PXDNL: variants seen among roughly 807,000 people sequenced by gnomAD.
The protein encoded by PXDNL is peroxidasin like.
In PXDNL, 145 loss-of-function variants were observed where a neutral mutation model predicts 150.8. The observed-to-expected ratio is 0.96, with a 90% confidence interval of 0.84 to 1.10. PXDNL has a LOEUF of 1.10. Among genes scored for constraint, PXDNL ranks in the 50% least tolerant of loss-of-function variants. The probability of loss-of-function intolerance (pLI) is 0.00; values close to 1 mark genes in which losing one functional copy is unlikely to be tolerated. For missense variants in PXDNL, 2,087 were observed against 1,873.9 expected, an observed-to-expected ratio of 1.11 and a Z score of -2.10; for synonymous variants, 757 against 725.7, an observed-to-expected ratio of 1.04 and a Z score of -0.69.
At chr8:51,402,228 C>T (rs994440280) in intron 17 of PXDNL, among the ~76,000 whole-genome samples, 1 of 152,124 alleles carries the variant, frequency 6.6e-6, no homozygotes, top group Admixed American at 6.5e-5. Context: ...ATGAGCTATT[C>T]TTTTAAGGAG....
chr8:51,584,047 C>A (rs960737633), intron 3 of PXDNL, among the ~76,000 whole-genome samples: 1 of 152,070 alleles, frequency 6.6e-6, no homozygotes, highest in African/African-American at 2.4e-5. Flanking sequence ...AACTAATTTT[C>A]CCTATCCAAA....
At chr8:51,607,991 G>GAGGA (rs1241189802) in intron 2 of PXDNL, among the ~76,000 whole-genome samples, 19 of 103,696 alleles carry the variant, frequency 1.8e-4, no homozygotes, top group South Asian at 8.9e-4. Context: ...GGAAGAGAGA[G>GAGGA]AGGAAGGAAG....
At chr8:51,680,289 T>TA (rs1403182722) in intron 1 of PXDNL, among the ~76,000 whole-genome samples, 1 of 152,120 alleles carries the variant, frequency 6.6e-6, no homozygotes, top group Admixed American at 6.5e-5. Flanking sequence ...AGGTGTGAAA[T>TA]AGAGTTGTCG....
At chr8:51,696,725 C>CCCCACACACACACACACACACA (rs1816142475) in intron 1 of PXDNL, among the ~76,000 whole-genome samples, 2 of 125,040 alleles carry the variant, frequency 1.6e-5, no homozygotes, top group Non-Finnish European at 3.4e-5. Context: ...TCACACACAT[C>CCCCACACACACACACACACACA]CACACACAGG....
Position 51,578,088 on chromosome 8 carries a change from GAAAGAAAGAAAGAA to G in PXDNL, c.308+14525_308+14538del, listed in dbSNP as rs1285937711. Among the ~76,000 whole-genome samples the G allele has an allele frequency of 1.2e-4, 15 of 126,622 alleles. No homozygotes were observed. The East Asian group carries it at 2.1e-3, about 18-fold the overall frequency. The allele number at this position is 126,622 out of a possible 152,430, so 83.1% of individuals were successfully genotyped here. On this transcript the variant is annotated intron_variant, in intron 3 of 22. Transcript: ENST00000356297. ...GAAAGAAAGAAAAGAAAGAAAAAGAGAAAGAAAGAAAGAAAAAGAAAGAAAGAAAGAAGGAAAGA... is the reference window on the plus strand; with the variant it reads ...GAAAGAAAGAAAAGAAAGAAAAAGAGAAAGAAAGAAAGAAAGAAGGAAAGA...
At chr8:51,347,095 A>G (rs1035036056) in intron 19 of PXDNL, among the ~76,000 whole-genome samples, 2 of 152,202 alleles carry the variant, frequency 1.3e-5, no homozygotes, top group African/African-American at 4.8e-5. Context: ...GAAAAAATAA[A>G]ACAGGATAAC....
intron 1 of PXDNL, among the ~76,000 whole-genome samples, chr8:51,731,467 G>T (rs1310583814): frequency 2.0e-5 from 3 of 152,340 alleles, no homozygotes; most frequent in East Asian, 3.9e-4. Flanking sequence ...TCAGGAACTG[G>T]CGTTGAGTGT....
intron 5 of PXDNL, among the ~76,000 whole-genome samples, chr8:51,484,787 C>T (rs1463547912): frequency 2.0e-5 from 3 of 152,352 alleles, no homozygotes; most frequent in Admixed American, 6.5e-5. Context: ...TCCCTCCATG[C>T]TGCCTTGGCT....
At chr8:51,537,516 A>G (rs1037224725) in intron 4 of PXDNL, among the ~76,000 whole-genome samples, 1 of 152,168 alleles carries the variant, frequency 6.6e-6, no homozygotes, top group East Asian at 1.9e-4. Context: ...TGAGTCCCCT[A>G]ACTCCCTGTG....
intron 17 of PXDNL, among the ~76,000 whole-genome samples, chr8:51,406,360 G>A (rs1808435099): frequency 6.6e-6 from 1 of 152,178 alleles, no homozygotes; most frequent in South Asian, 2.1e-4. Flanking sequence ...TCTAGCAGCT[G>A]TTGGATTCTT....
chr8:51,486,750 T>TTTTATATA (rs1414472367), intron 5 of PXDNL, among the ~76,000 whole-genome samples: 2 of 36,336 alleles, frequency 5.5e-5, no homozygotes, highest in African/African-American at 2.2e-4. Context: ...GTTAAAAAGT[T>TTTTATATA]TATATATATA....
intron 17 of PXDNL, among the ~76,000 whole-genome samples, chr8:51,396,527 C>A (rs181419814): frequency 1.3e-5 from 2 of 152,280 alleles, no homozygotes; most frequent in African/African-American, 4.8e-5. Flanking sequence ...GAGGCCAAGG[C>A]AGGTGGATCA....
At chr8:51,370,937 C>A (rs1807091190) in intron 19 of PXDNL, among the ~76,000 whole-genome samples, 1 of 152,146 alleles carries the variant, frequency 6.6e-6, no homozygotes, top group African/African-American at 2.4e-5. Context: ...TCAATTTCCT[C>A]CCCTGACAAC....
At chr8:51,545,264 C>A (rs1301958660) in intron 4 of PXDNL, among the ~76,000 whole-genome samples, 1 of 152,054 alleles carries the variant, frequency 6.6e-6, no homozygotes, top group Non-Finnish European at 1.5e-5. Context: ...TCTGTAAATA[C>A]GTTTGATGAA....
Position 51,321,767 on chromosome 8 carries a change from T to C in PXDNL, c.4147-870A>G, listed in dbSNP as rs974907156. 2.6e-5 allele frequency among the ~76,000 whole-genome samples: 4 copies of C among 152,128 alleles called. No homozygotes were observed. The South Asian group carries it at 8.3e-4, about 32-fold the overall frequency. On this transcript the variant is annotated intron_variant, in intron 21 of 22. Coordinates refer to ENST00000356297, the MANE Select transcript of PXDNL (RefSeq NM_144651.5). ...AAGTCAACTAAACCTATTTTCTTCATAAATTGCCCAGTGTCAGGTAGTTCT... is the reference window on the plus strand; with the variant it reads ...AAGTCAACTAAACCTATTTTCTTCACAAATTGCCCAGTGTCAGGTAGTTCT...
At chr8:51,702,098 T>C (rs1420722079) in intron 1 of PXDNL, among the ~76,000 whole-genome samples, 1 of 152,234 alleles carries the variant, frequency 6.6e-6, no homozygotes, top group African/African-American at 2.4e-5. Context: ...CAACTTATTC[T>C]GGTTTTTATT....
intron 2 of PXDNL, among the ~76,000 whole-genome samples, chr8:51,653,546 A>C (rs1230857926): frequency 2.0e-5 from 3 of 152,202 alleles, no homozygotes; most frequent in Non-Finnish European, 4.4e-5. Context: ...GTTTTCGTAC[A>C]TTGCACTTTG....
chr8:51,319,595 T>C lies in PXDNL; in HGVS notation c.*296A>G, dbSNP rs1177991239. 4 of 181,930 alleles carry C rather than the reference T, an allele frequency of 2.2e-5. No homozygotes were observed. The highest frequency in any genetic ancestry group is 3.4e-5 in the Non-Finnish European group (3 of 88,142). The allele number at this position is 181,930 out of a possible 1,614,324, so 11.3% of individuals were successfully genotyped here. Reference sequence around the variant, plus strand: ...ACTCATATATTTTTTAAATATTCCATGATATTCTTTTTATTTCCAGGTGTG... The same window carrying C: ...ACTCATATATTTTTTAAATATTCCACGATATTCTTTTTATTTCCAGGTGTG... On this transcript the variant is annotated 3_prime_UTR_variant, in exon 23 of 23. Transcript: ENST00000356297.
chr8:51,714,488 C>T (rs1816568859), intron 1 of PXDNL, among the ~76,000 whole-genome samples: 1 of 151,676 alleles, frequency 6.6e-6, no homozygotes, highest in Admixed American at 6.6e-5. Flanking sequence ...TTTTTAATGG[C>T]TCAATGGGAA....
Sources: gnomAD v4.1 joint callset for allele counts (sites outside exome capture counted in the v4.1 genomes callset) on GRCh38, gnomAD v4.1.1 for gene constraint, MANE v1.5 for transcripts, NCBI Gene and HGNC (gene_info 2026-07-23, HGNC 2026-07-21) for gene names.